PARVB: variants seen among roughly 807,000 people sequenced by gnomAD.
The protein encoded by PARVB is parvin beta.
A neutral mutation model predicts 47.0 loss-of-function variants in PARVB; 46 were observed. The ratio of observed to expected loss-of-function variants is 0.98; its 90% CI spans 0.77 to 1.25. The LOEUF (loss-of-function observed/expected upper bound fraction) is 1.25, where lower values mean the gene tolerates loss of function less well. Among genes scored for constraint, PARVB ranks in the 50% most tolerant of loss-of-function variants. The pLI is 0.00. For missense variants in PARVB, 473 were observed against 471.6 expected, an observed-to-expected ratio of 1.00 and a Z score of -0.03; for synonymous variants, 196 against 196.3, an observed-to-expected ratio of 1.00 and a Z score of 0.01.
chr22:44,047,481 C>T (rs1194922994), intron 1 of PARVB, among the ~76,000 whole-genome samples: 6 of 151,884 alleles, frequency 4.0e-5, no homozygotes, highest in South Asian at 2.1e-4. Flanking sequence ...GTCAACATGG[C>T]GAAACCCCAT....
intron 4 of PARVB, among the ~76,000 whole-genome samples, chr22:44,129,272 G>T (rs1002962878): frequency 6.6e-6 from 1 of 152,182 alleles, no homozygotes; most frequent in Non-Finnish European, 1.5e-5. Flanking sequence ...CCTCAGAAGG[G>T]TCTACCCTGC....
chr22:44,148,384 C>A (rs1287123383), intron 9 of PARVB: 1 of 199,748 alleles, frequency 5.0e-6, no homozygotes, highest in Non-Finnish European at 1.1e-5. Context: ...GCTGGTCAAT[C>A]TGTGGATGGA....
At chr22:44,060,143 C>A (rs1187749188) in intron 1 of PARVB, among the ~76,000 whole-genome samples, 1 of 151,874 alleles carries the variant, frequency 6.6e-6, no homozygotes. Flanking sequence ...GGTAAAATGC[C>A]ATCTCTACTA....
At chr22:43,999,536 G>C (rs774497641) in exon 2 of PARVB, 2 of 1,578,554 alleles carry the variant, frequency 1.3e-6, no homozygotes, top group Non-Finnish European at 8.7e-7. Context: ...ACCTGCAGCA[G>C]GAGGCTGGAG....
intron 2 of PARVB, among the ~76,000 whole-genome samples, chr22:44,098,631 A>T (rs2052366588): frequency 6.6e-6 from 1 of 152,006 alleles, no homozygotes; most frequent in Non-Finnish European, 1.5e-5. Context: ...CTTTGCAGAG[A>T]TATCATCAGG....
Position 43,999,834 on chromosome 22 carries a change from G to GAAAAA in PARVB, c.211+181_211+185dup, listed in dbSNP as rs113458130. Among the ~76,000 whole-genome samples the GAAAAA allele has an allele frequency of 5.8e-3, 404 of 69,352 alleles. 12 individuals are homozygous for GAAAAA. Among genetic ancestry groups the GAAAAA allele is most frequent in the South Asian group, 0.024 (35 of 1,476 alleles). 45.5% of individuals were successfully genotyped at this position (69,352 alleles called of 152,430 possible). On this transcript the variant is annotated intron_variant, in intron 2 of 13. Coordinates refer to the PARVB transcript ENST00000406477. ...CAACATAGTGAAAACCCATCTATAT[G>GAAAAA]AAAAAAAAAAAAAAAAAAAAAAAAC...
intron 2 of PARVB, among the ~76,000 whole-genome samples, chr22:44,003,039 CTG>C (rs1226714266): frequency 6.6e-6 from 1 of 152,190 alleles, no homozygotes; most frequent in African/African-American, 2.4e-5. Flanking sequence ...GTTTGACCAA[CTG>C]TGAAAATTAC....
upstream of PARVB, among the ~76,000 whole-genome samples, chr22:44,022,743 T>A (rs2050665461): frequency 7.5e-6 from 1 of 132,522 alleles, no homozygotes; most frequent in South Asian, 2.2e-4. Context: ...TTTTTTTATT[T>A]TTTATTTTTT....
intron 8 of PARVB, chr22:44,140,891 C>T (rs1421914943): frequency 4.3e-6 from 1 of 230,156 alleles, no homozygotes; most frequent in East Asian, 9.5e-5. Flanking sequence ...GGGATGGTAA[C>T]GTTTCAACCC....
chr22:44,020,583 G>A (rs2050635746), upstream of PARVB, among the ~76,000 whole-genome samples: 1 of 152,100 alleles, frequency 6.6e-6, no homozygotes. Flanking sequence ...TAGCTGGAGT[G>A]GCTCACAAAA....
At chr22:44,156,191 A>T (rs138864410) in intron 10 of PARVB, among the ~76,000 whole-genome samples, 92 of 151,660 alleles carry the variant, frequency 6.1e-4, no homozygotes, top group African/African-American at 1.5e-3. Context: ...CACTGGCACT[A>T]GCTTTATGCT....
intron 4 of PARVB, among the ~76,000 whole-genome samples, chr22:44,129,404 G>A (rs879814545): frequency 3.0e-4 from 45 of 152,290 alleles, no homozygotes; most frequent in Admixed American, 1.6e-3. Context: ...AGTGTCCTCC[G>A]CTCCTCTGCC....
chr22:44,035,440 G>A lies in PARVB; in HGVS notation c.112+10989G>A, dbSNP rs541666381. The stretch of plus-strand genomic sequence containing the variant: ...GGCTGGAGTGCAATGGTGCGATCTC[G>A]GCTCACTGCAGCCTCCGCCTCCTGG... On this transcript the variant is annotated intron_variant, in intron 1 of 12. Coordinates refer to ENST00000338758, the MANE Select transcript of PARVB (RefSeq NM_013327.5). 1.5e-3 allele frequency among the ~76,000 whole-genome samples: 212 copies of A among 145,806 alleles called. 1 individual carries two copies. The highest frequency in any genetic ancestry group is 8.2e-4 in the Non-Finnish European group (55 of 67,316).
intron 2 of PARVB, among the ~76,000 whole-genome samples, chr22:44,008,075 C>G (rs1037257138): frequency 1.3e-5 from 2 of 151,974 alleles, no homozygotes; most frequent in Non-Finnish European, 2.9e-5. Flanking sequence ...TTGTTTCTAC[C>G]TTTAGAGACA....
chr22:44,027,399 T>C (rs1322042528), intron 1 of PARVB, among the ~76,000 whole-genome samples: 3 of 151,942 alleles, frequency 2.0e-5, no homozygotes, highest in Non-Finnish European at 4.4e-5. Flanking sequence ...AGAGGTCGGG[T>C]GGAGTGCTCC....
At chr22:44,086,891 A>C (rs2052036628) in intron 1 of PARVB, 1 of 934,778 alleles carries the variant, frequency 1.1e-6, no homozygotes, top group South Asian at 4.9e-5. Flanking sequence ...ACCTCATTTA[A>C]CAGAGATGTC....
chr22:44,062,034 C>T (rs1011187781), intron 1 of PARVB, among the ~76,000 whole-genome samples: 11 of 152,164 alleles, frequency 7.2e-5, no homozygotes, highest in South Asian at 2.1e-4. Flanking sequence ...TGAATCAAGG[C>T]GATTGACTGT....
upstream of PARVB, among the ~76,000 whole-genome samples, chr22:44,022,519 G>A (rs190638698): frequency 1.1e-3 from 171 of 152,048 alleles, 1 homozygote; most frequent in African/African-American, 4.0e-3. Context: ...TGGTCTTCAC[G>A]CCCCTGGCTG....
At chr22:44,162,757 C>A (rs1462205491) in intron 11 of PARVB, 1 of 152,248 alleles carries the variant, frequency 6.6e-6, no homozygotes, top group East Asian at 1.9e-4. Context: ...TAATCTGGTT[C>A]ATTGCCGGCA....
Sources: gnomAD v4.1 joint callset for allele counts (sites outside exome capture counted in the v4.1 genomes callset) on GRCh38, gnomAD v4.1.1 for gene constraint, MANE v1.5 for transcripts, NCBI Gene and HGNC (gene_info 2026-07-23, HGNC 2026-07-21) for gene names.